GPR149: variants seen among roughly 807,000 people sequenced by gnomAD.
The protein encoded by GPR149 is probable G protein-coupled receptor 149.
Under a neutral mutation model 50.2 loss-of-function variants are expected in GPR149, and 50 were observed. The observed-to-expected ratio is 1.00, with a 90% CI of 0.79 to 1.26. The LOEUF (loss-of-function observed/expected upper bound fraction) is 1.26, where lower values mean the gene tolerates loss of function less well. GPR149 is among the 50% of genes most tolerant of loss of function. The probability of loss-of-function intolerance (pLI) is 0.00; values close to 1 mark genes in which losing one functional copy is unlikely to be tolerated. For synonymous variants in GPR149, 405 were observed against 358.2 expected, an observed-to-expected ratio of 1.13 and a Z score of -1.48; for missense variants, 983 against 895.4, an observed-to-expected ratio of 1.10 and a Z score of -1.25.
At chr3:154,362,603 G>T (rs1714438257) in intron 3 of GPR149, among the ~76,000 whole-genome samples, 1 of 152,230 alleles carries the variant, frequency 6.6e-6, no homozygotes, top group South Asian at 2.1e-4. Context: ...ATTGTTGAAA[G>T]TGGCAGTGCC....
chr3:154,341,290 G>GAAAT, intron 3 of GPR149, among the ~76,000 whole-genome samples: 1 of 40,422 alleles, frequency 2.5e-5, no homozygotes, highest in South Asian at 7.9e-4. Context: ...AAAAAAATAA[G>GAAAT]ACATATATAT....
Position 154,336,287 on chromosome 3 carries a change from C to T in GPR149, c.*1412G>A, listed in dbSNP as rs983076840. On this transcript the variant is annotated 3_prime_UTR_variant, in exon 4 of 4. Coordinates refer to ENST00000389740, the MANE Select transcript of GPR149 (RefSeq NM_001038705.3). ...ACAAAAGATGAAACATTCTGAAAGC[C>T]GATGTCAAGTAATTTTGAATTCTAA... is the stretch of plus-strand genomic sequence containing the variant. 4 of 151,848 alleles carry T rather than the reference C, an allele frequency of 2.6e-5. No individual in the cohort carries two copies. Among genetic ancestry groups the T allele is most frequent in the Admixed American group, 1.3e-4 (2 of 15,244 alleles). The allele number at this position is 151,848 out of a possible 1,614,324, so 9.4% of individuals were successfully genotyped here. A position where few individuals can be genotyped will look rare whatever the true frequency, so the allele number is the denominator to read the frequency against.
chr3:154,361,327 T>C (rs931014435), intron 3 of GPR149, among the ~76,000 whole-genome samples: 4 of 152,200 alleles, frequency 2.6e-5, no homozygotes, highest in African/African-American at 9.6e-5. Flanking sequence ...CATATTCAAC[T>C]AGTCTTCTTA....
At chr3:154,420,929 G>T (rs907537623) in intron 3 of GPR149, 110 bp downstream of exon 3, 18 of 743,318 alleles carry the variant, frequency 2.4e-5, no homozygotes, top group African/African-American at 2.1e-4. Flanking sequence ...TGAGGCAAGT[G>T]AAGTTAATGT....
rs1269103997 is a variant in GPR149 at position 154,402,851 on chromosome 3, T to C, written c.1623+18188A>G. Among the ~76,000 whole-genome samples the C allele has an allele frequency of 3.9e-5, 6 of 152,240 alleles. No individual in the cohort carries two copies. In the East Asian group the frequency reaches 7.7e-4, roughly 20 times the overall value. ...TATATCTTTATATCCACAGTGCTTCTATGAAAAATATTTACTGAATAAACT... is the reference window on the plus strand; with the variant it reads ...TATATCTTTATATCCACAGTGCTTCCATGAAAAATATTTACTGAATAAACT... On this transcript the variant is annotated intron_variant, in intron 3 of 3. Transcript: ENST00000389740.
chr3:154,350,711 C>T (rs1662920865), intron 3 of GPR149, among the ~76,000 whole-genome samples: 1 of 152,044 alleles, frequency 6.6e-6, no homozygotes. Flanking sequence ...TGAAAAGGTA[C>T]ATGAACCAGA....
At chr3:154,344,610 T>C (rs1253292347) in intron 3 of GPR149, among the ~76,000 whole-genome samples, 2 of 152,172 alleles carry the variant, frequency 1.3e-5, no homozygotes, top group African/African-American at 2.4e-5. Context: ...ATGACTCTTA[T>C]CCTTCTAAGA....
chr3:154,401,751 T>C (rs1711554016), intron 3 of GPR149, among the ~76,000 whole-genome samples: 1 of 152,180 alleles, frequency 6.6e-6, no homozygotes, highest in Non-Finnish European at 1.5e-5. Flanking sequence ...AAGGAAAATT[T>C]CATCTTTAAA....
chr3:154,427,726 C>A lies in GPR149; in HGVS notation c.982-18G>T. 6.3e-7 allele frequency: 1 copy of A among 1,598,508 alleles called. No homozygotes were observed. Among genetic ancestry groups the A allele is most frequent in the Non-Finnish European group, 8.5e-7 (1 of 1,173,238 alleles). On this transcript the variant is annotated intron_variant, in intron 1 of 3. Coordinates refer to ENST00000389740, the MANE Select transcript of GPR149 (RefSeq NM_001038705.3). ...ATGTGCATCTGCAAGGGCAAGAGAA[C>A]TTCAGACCTAACCTAAAATTATACT...
At chr3:154,391,519 C>G (rs1335157438) in intron 3 of GPR149, among the ~76,000 whole-genome samples, 13 of 150,038 alleles carry the variant, frequency 8.7e-5, no homozygotes. Context: ...AAGAATACAG[C>G]AAGGAAAAAA....
At chr3:154,347,392 G>T (rs1035813425) in intron 3 of GPR149, among the ~76,000 whole-genome samples, 2 of 152,148 alleles carry the variant, frequency 1.3e-5, no homozygotes, top group Admixed American at 1.3e-4. Context: ...AGGGGGAAAA[G>T]CCCCTTATAA....
intron 2 of GPR149, among the ~76,000 whole-genome samples, chr3:154,426,014 G>C (rs1000213371): frequency 1.3e-5 from 2 of 152,096 alleles, no homozygotes; most frequent in African/African-American, 4.8e-5. Context: ...GACCGGGCTC[G>C]TTCACTAGTT....
intron 3 of GPR149, among the ~76,000 whole-genome samples, chr3:154,381,691 T>A (rs906867843): frequency 9.9e-5 from 15 of 152,124 alleles, no homozygotes; most frequent in Admixed American, 7.9e-4. Context: ...CTTTAGGATG[T>A]TTGGTGGAAC....
chr3:154,419,550 CAATATAGT>C (rs1712080351), intron 3 of GPR149, among the ~76,000 whole-genome samples: 1 of 151,848 alleles, frequency 6.6e-6, no homozygotes, highest in Non-Finnish European at 1.5e-5. Context: ...CAAAGCTAAA[CAATATAGT>C]ATGTTAGAAG....
intron 2 of GPR149, among the ~76,000 whole-genome samples, chr3:154,426,871 CGTGTGTGTGTGTGTGT>C (rs61087162): frequency 2.1e-5 from 3 of 144,432 alleles, no homozygotes; most frequent in South Asian, 2.3e-4. Flanking sequence ...TGGACCAGGG[CGTGTGTGTGTGTGTGT>C]GTGTGTGTGT....
rs138730823 is a variant in GPR149 at position 154,391,319 on chromosome 3, G to C, written c.1623+29720C>G. Among the ~76,000 whole-genome samples, 541 of 151,714 alleles carry C rather than the reference G, an allele frequency of 3.6e-3. 3 individuals carry two copies. Among genetic ancestry groups the C allele is most frequent in the African/African-American group, 0.013 (519 of 41,448 alleles). ...AACATAACGTGTGTGGGGGGTTTGT[G>C]GGGGGAGAAGTAAAAGTGTAGCTTT... On this transcript the variant is annotated intron_variant, in intron 3 of 3. Coordinates refer to ENST00000389740, the MANE Select transcript of GPR149 (RefSeq NM_001038705.3).
intron 3 of GPR149, among the ~76,000 whole-genome samples, chr3:154,366,876 C>T (rs1239123672): frequency 6.6e-6 from 1 of 152,170 alleles, no homozygotes; most frequent in Non-Finnish European, 1.5e-5. Flanking sequence ...GAAACTGTTC[C>T]CCAGGACATG....
chr3:154,429,043 T>C lies in GPR149; in HGVS notation c.573A>G (p.Val191=), dbSNP rs769836044. 6.2e-7 allele frequency: 1 copy of C among 1,613,856 alleles called. No homozygotes were observed. Among genetic ancestry groups the C allele is most frequent in the Non-Finnish European group, 8.5e-7 (1 of 1,179,998 alleles). Residue 191 remains valine, a synonymous_variant, in exon 1 of 4, where the codon GTA becomes GTG. Transcript: ENST00000389740. ...AAGCGTACACGATAGAGAGGAATAG[T>C]ACGTAGGAGCTGGAGCAGTCCACCA... ...GCLVDCSSSY[V]LFLSIVYALA...
intron 3 of GPR149, among the ~76,000 whole-genome samples, chr3:154,369,623 G>A (rs926782248): frequency 6.6e-6 from 1 of 152,200 alleles, no homozygotes; most frequent in Non-Finnish European, 1.5e-5. Flanking sequence ...CCTTACAAGG[G>A]ACTATGTCCC....
Sources: allele counts gnomAD v4.1 joint callset (sites outside exome capture counted in the v4.1 genomes callset), GRCh38; gene constraint gnomAD v4.1.1; transcripts MANE v1.5; gene names NCBI Gene and HGNC (gene_info 2026-07-23, HGNC 2026-07-21).